The following SLC24A2 variants were observed in gnomAD, a reference collection of about 807,000 sequenced individuals.
SLC24A2 encodes the protein sodium/potassium/calcium exchanger 2.
In SLC24A2, 36 loss-of-function variants were observed where a neutral mutation model predicts 62.0. The observed-to-expected ratio is 0.58, with a 90% CI of 0.44 to 0.77. The LOEUF is 0.77. SLC24A2 is among the 30% of genes least tolerant of loss of function. The probability of loss-of-function intolerance (pLI) is 0.00; values close to 1 mark genes in which losing one functional copy is unlikely to be tolerated. For missense variants in SLC24A2, 846 were observed against 817.9 expected, an observed-to-expected ratio of 1.03 and a Z score of -0.42; for synonymous variants, 358 against 294.0, an observed-to-expected ratio of 1.22 and a Z score of -2.23.
the SLC24A2 span, among the ~76,000 whole-genome samples, chr9:19,817,837 C>T: frequency 6.6e-6 from 1 of 152,062 alleles, no homozygotes; most frequent in Non-Finnish European, 1.5e-5. Context: ...TCAAGGGATC[C>T]TCCTGCCTCA....
At position 19,509,102 on chromosome 9, in the gene SLC24A2, C is replaced by T. The variant is rs951877362; in HGVS notation, c.*7051G>A. On this transcript the variant is annotated 3_prime_UTR_variant, in exon 11 of 11. Coordinates refer to ENST00000341998, the MANE Select transcript of SLC24A2 (RefSeq NM_020344.4). The stretch of plus-strand genomic sequence containing the variant: ...TATATAAAAGCTCAAACACATCCTA[C>T]ATTTCCCAGGTATATGTTTGCTAAT... The T allele has an allele frequency of 6.6e-6, 1 of 152,156 alleles. No individual in the cohort carries two copies. The highest frequency in any genetic ancestry group is 6.5e-5 in the Admixed American group (1 of 15,276). The allele number at this position is 152,156 out of a possible 1,614,324, so 9.4% of individuals were successfully genotyped here.
Position 19,706,882 on chromosome 9 carries a change from G to A in SLC24A2, c.930+79055C>T, listed in dbSNP as rs866383828. On this transcript the variant is annotated intron_variant, in intron 2 of 10. Coordinates refer to ENST00000341998, the MANE Select transcript of SLC24A2 (RefSeq NM_020344.4). ...AGAGCAAACACATTCAAAAGCTAGCGGAAGGCAAGAAATAACTAAAATCAG... is the reference window on the plus strand; with the variant it reads ...AGAGCAAACACATTCAAAAGCTAGCAGAAGGCAAGAAATAACTAAAATCAG... Among the ~76,000 whole-genome samples the A allele has an allele frequency of 2.8e-3, 425 of 151,514 alleles. 1 individual carries two copies. Among genetic ancestry groups the A allele is most frequent in the African/African-American group, 7.7e-3 (319 of 41,168 alleles).
the SLC24A2 span, among the ~76,000 whole-genome samples, chr9:20,020,977 C>G: frequency 6.6e-6 from 1 of 152,006 alleles, no homozygotes; most frequent in East Asian, 1.9e-4. Context: ...TGGAGAATTA[C>G]GAATCAGAAG....
At chr9:20,264,248 A>T in the SLC24A2 span, among the ~76,000 whole-genome samples, 12 of 152,234 alleles carry the variant, frequency 7.9e-5, no homozygotes, top group Non-Finnish European at 1.8e-4. Context: ...TAAGGTTAGC[A>T]TAAGTATCTA....
the SLC24A2 span, among the ~76,000 whole-genome samples, chr9:20,014,021 A>G: frequency 6.6e-6 from 1 of 152,258 alleles, no homozygotes; most frequent in East Asian, 1.9e-4. Flanking sequence ...CAGCCTCAGT[A>G]ACAAAGTGAG....
At chr9:20,238,995 G>A in the SLC24A2 span, among the ~76,000 whole-genome samples, 2 of 152,198 alleles carry the variant, frequency 1.3e-5, no homozygotes, top group African/African-American at 2.4e-5. Flanking sequence ...CTATAAGCCA[G>A]GAAGAGAGCT....
rs117078993 is a variant in SLC24A2 at position 19,766,738 on chromosome 9, G to A, written c.930+19199C>T. Among the ~76,000 whole-genome samples, 437 of 152,288 alleles carry A rather than the reference G, an allele frequency of 2.9e-3. 5 individuals are homozygous for A. The highest frequency in any genetic ancestry group is 0.022 in the East Asian group (115 of 5,180). The stretch of plus-strand genomic sequence containing the variant: ...TATGAGTTGTCTGTTGACCCCTGCT[G>A]GGAGCTGTCTCCCCTTCAGAAGGCA... On this transcript the variant is annotated intron_variant, in intron 2 of 10. Coordinates refer to ENST00000341998, the MANE Select transcript of SLC24A2 (RefSeq NM_020344.4).
At chr9:20,097,690 A>ATTG in the SLC24A2 span, among the ~76,000 whole-genome samples, 1 of 130,456 alleles carries the variant, frequency 7.7e-6, no homozygotes, top group South Asian at 2.7e-4. Flanking sequence ...TAATGTCCAG[A>ATTG]TTGGATCCAG....
chr9:20,271,517 A>G, the SLC24A2 span, among the ~76,000 whole-genome samples: 1,538 of 152,322 alleles, frequency 0.01, 26 homozygotes, highest in African/African-American at 0.034. Flanking sequence ...AAATCACTTT[A>G]CAAATGACTG....
intron 2 of SLC24A2, among the ~76,000 whole-genome samples, chr9:19,690,806 G>A (rs765788615): frequency 3.3e-5 from 5 of 152,062 alleles, no homozygotes; most frequent in Non-Finnish European, 7.4e-5. Flanking sequence ...GATTACACCT[G>A]ATGCTGAATA....
At chr9:20,120,483 A>G in the SLC24A2 span, among the ~76,000 whole-genome samples, 1 of 152,190 alleles carries the variant, frequency 6.6e-6, no homozygotes, top group African/African-American at 2.4e-5. Context: ...TGTTCTCATA[A>G]GTGAGAGCTA....
At chr9:20,006,720 T>A in the SLC24A2 span, among the ~76,000 whole-genome samples, 12 of 152,196 alleles carry the variant, frequency 7.9e-5, no homozygotes, top group African/African-American at 2.9e-4. Flanking sequence ...CAGACTACCA[T>A]GCTCTTTGAA....
intron 9 of SLC24A2, among the ~76,000 whole-genome samples, chr9:19,526,329 G>A (rs1833446511): frequency 1.3e-5 from 2 of 152,142 alleles, no homozygotes; most frequent in Non-Finnish European, 2.9e-5. Flanking sequence ...ACAAGTGTTT[G>A]TGGACGTATG....
chr9:19,827,891 A>G, the SLC24A2 span, among the ~76,000 whole-genome samples: 1 of 152,062 alleles, frequency 6.6e-6, no homozygotes, highest in African/African-American at 2.4e-5. Flanking sequence ...TGTCTAGACT[A>G]TTTCCATCAG....
chr9:20,277,837 G>A, the SLC24A2 span, among the ~76,000 whole-genome samples: 72 of 152,226 alleles, frequency 4.7e-4, no homozygotes, highest in South Asian at 2.9e-3. Context: ...GAACCAACCC[G>A]AATGTCCATC....
rs539810662 is a variant in SLC24A2, at chr9:19,759,273, G to T, written c.930+26664C>A. ...TTTGAATTTCTACAACCATATCTGG[G>T]TTTCTCAGTATTGGTGTCCAGCCCA... is the stretch of plus-strand genomic sequence containing the variant. On this transcript the variant is annotated intron_variant, in intron 2 of 10. Coordinates refer to ENST00000341998, the MANE Select transcript of SLC24A2 (RefSeq NM_020344.4). Among the ~76,000 whole-genome samples the T allele has an allele frequency of 8.5e-5, 13 of 152,202 alleles. No individual in the cohort carries two copies. In the East Asian group the frequency reaches 2.5e-3, roughly 29 times the overall value.
chr9:19,926,021 G>C, the SLC24A2 span: 2 of 152,054 alleles, frequency 1.3e-5, no homozygotes, highest in Non-Finnish European at 2.9e-5. Context: ...CACAGAAAAG[G>C]GCCTGTTTTC....
At chr9:19,601,095 C>T (rs549437177) in intron 4 of SLC24A2, among the ~76,000 whole-genome samples, 8 of 152,108 alleles carry the variant, frequency 5.3e-5, no homozygotes, top group Non-Finnish European at 1.0e-4. Flanking sequence ...CACTCTGTAG[C>T]TAGCAAGGGG....
the SLC24A2 span, among the ~76,000 whole-genome samples, chr9:19,991,966 G>A: frequency 3.9e-5 from 6 of 152,292 alleles, no homozygotes; most frequent in Admixed American, 1.3e-4. Flanking sequence ...GAGGGAAAAG[G>A]AGAAGTAAAG....
Sources: allele counts gnomAD v4.1 joint callset (sites outside exome capture counted in the v4.1 genomes callset), GRCh38; gene constraint gnomAD v4.1.1; transcripts MANE v1.5; gene names NCBI Gene and HGNC (gene_info 2026-07-23, HGNC 2026-07-21).